Variants in HKDC1 observed in about 807,000 individuals in gnomAD.
HKDC1 encodes the protein hexokinase domain containing 1.
In HKDC1, 66 loss-of-function variants were observed where a neutral mutation model predicts 96.6. That is an observed-to-expected ratio of 0.68 (90% CI 0.56 to 0.84). The LOEUF (loss-of-function observed/expected upper bound fraction) is 0.84, where lower values mean the gene tolerates loss of function less well. Ranked by LOEUF, HKDC1 falls within the 40% of genes least tolerant of loss-of-function variation. The pLI, the probability that HKDC1 is intolerant of heterozygous loss-of-function variation, is 0.00. For missense variants in HKDC1, 1,211 were observed against 1,208.1 expected (o/e 1.00, Z -0.04); for synonymous variants, 466 against 473.1 (o/e 0.98, Z 0.20).
At chr10:69,228,758 C>T (rs12780191) in intron 2 of HKDC1, among the ~76,000 whole-genome samples, 33,234 of 151,862 alleles carry the variant, frequency 0.22, 4,398 homozygotes, top group Non-Finnish European at 0.29. Flanking sequence ...CCCAGCTACT[C>T]GGGAGGCTGA....
intron 8 of HKDC1, 51 bp downstream of exon 8, chr10:69,246,285 C>T: frequency 6.3e-7 from 1 of 1,599,238 alleles, no homozygotes; most frequent in Admixed American, 1.7e-5. Context: ...ATGGGAGGCC[C>T]AGGTGTGGGG....
At chr10:69,242,438 A>AAAC (rs1554867742) in intron 6 of HKDC1, among the ~76,000 whole-genome samples, 1 of 151,196 alleles carries the variant, frequency 6.6e-6, no homozygotes, top group African/African-American at 2.4e-5. Flanking sequence ...AGAAAAAAAA[A>AAAC]AAAAAAAAAA....
At chr10:69,262,026 T>C in intron 16 of HKDC1, 1 of 405,660 alleles carries the variant, frequency 2.5e-6, no homozygotes, top group Non-Finnish European at 4.9e-6. Context: ...CTAGGTGGCA[T>C]TGAGTTGTCT....
intron 4 of HKDC1, among the ~76,000 whole-genome samples, 178 bp from the exon 5 acceptor site, chr10:69,238,864 G>T (rs1035398912): frequency 3.3e-5 from 5 of 152,202 alleles, no homozygotes; most frequent in Non-Finnish European, 5.9e-5. Context: ...TCAGATGAGA[G>T]TAATAGTCCT....
At position 69,232,697 on chromosome 10, in the gene HKDC1, T is replaced by G. The variant is rs1843285875; in HGVS notation, c.227-67T>G. 4.9e-6 allele frequency: 7 copies of G among 1,433,554 alleles called. No homozygotes were observed. In the South Asian group the frequency reaches 8.4e-5, roughly 17 times the overall value. 88.8% of individuals were successfully genotyped at this position (1,433,554 alleles called of 1,614,324 possible). On this transcript the variant is annotated intron_variant, in intron 2 of 17. Transcript: ENST00000354624. ...AGACGTTGATTATATGTCCAACCTCTAATGCAGAGCTTGCCATATCTGTAG... is the reference window on the plus strand; with the variant it reads ...AGACGTTGATTATATGTCCAACCTCGAATGCAGAGCTTGCCATATCTGTAG...
rs537197738 is a variant in HKDC1 at position 69,235,553 on chromosome 10, G to A, written c.495+2420G>A. On this transcript the variant is annotated intron_variant, in intron 4 of 17. Coordinates refer to ENST00000354624, the MANE Select transcript of HKDC1 (RefSeq NM_025130.4). ...GTCCTAGGAGTGAGTAGATGTGTAT[G>A]TCAGGGGGTTGGGAATCAGGGCCCT... 3.2e-4 allele frequency among the ~76,000 whole-genome samples: 48 copies of A among 152,348 alleles called. No homozygotes were observed. The South Asian group carries it at 7.0e-3, about 22-fold the overall frequency.
rs111494392 is a variant in HKDC1 at position 69,240,817 on chromosome 10, C to T, written c.691+66C>T. The stretch of plus-strand genomic sequence containing the variant: ...GGACTGTTTGGGAGTTTCATTTCAG[C>T]GAGCTCTGAGTGAATTCGGCGGGAA... On this transcript the variant is annotated intron_variant, in intron 6 of 17. Transcript: ENST00000354624. 87 of 1,247,750 alleles carry T rather than the reference C, an allele frequency of 7.0e-5. No homozygotes were observed. In the African/African-American group the frequency reaches 7.8e-4, roughly 11 times the overall value. The allele number at this position is 1,247,750 out of a possible 1,614,324, so 77.3% of individuals were successfully genotyped here. A position where few individuals can be genotyped will look rare whatever the true frequency, so the allele number is the denominator to read the frequency against.
intron 7 of HKDC1, 104 bp downstream of exon 7, chr10:69,243,469 A>G: frequency 2.2e-6 from 2 of 920,992 alleles, no homozygotes; most frequent in Middle Eastern, 6.5e-4. Context: ...CTAGCTATCC[A>G]TCACAACTTT....
In HKDC1 at chr10:69,226,890, G is replaced by A. The variant is rs1306172071; in HGVS notation, c.64-317G>A. ...TGGTGAGGGCCCTGAACTGGGAATC[G>A]GAAACCCTGAATCCTTCTTAGTTTC... On this transcript the variant is annotated intron_variant, in intron 1 of 17. Transcript: ENST00000354624. Among the ~76,000 whole-genome samples the A allele has an allele frequency of 6.6e-5, 10 of 152,086 alleles. No homozygotes were observed. The South Asian group carries it at 1.2e-3, about 19-fold the overall frequency.
chr10:69,259,478 G>A (rs1188051434), intron 15 of HKDC1, among the ~76,000 whole-genome samples: 2 of 152,056 alleles, frequency 1.3e-5, no homozygotes, highest in African/African-American at 4.8e-5. Flanking sequence ...AATAATGAAT[G>A]GCCTAAAAAA....
In HKDC1 at chr10:69,257,386, T is replaced by C; in HGVS notation, c.1992T>C (p.Cys664=). The change falls in exon 14 of 18, where the codon TGT becomes TGC. Residue 664 remains cysteine, a synonymous_variant. Transcript: ENST00000354624. ...ATACAGTGGGGACCATGATGACCTG[T>C]GGCTATGAAGATCCTAATTGTGAGA... ...VNDTVGTMMT[C]GYEDPNCEIG... 6.2e-7 allele frequency: 1 copy of C among 1,614,108 alleles called. No homozygotes were observed. Among genetic ancestry groups the C allele is most frequent in the Non-Finnish European group, 8.5e-7 (1 of 1,179,908 alleles).
At chr10:69,244,502 A>G (rs1843507616) in intron 7 of HKDC1, among the ~76,000 whole-genome samples, 1 of 152,058 alleles carries the variant, frequency 6.6e-6, no homozygotes, top group African/African-American at 2.4e-5. Context: ...ATCTTCACCC[A>G]TTTCCATTTT....
intron 14 of HKDC1, among the ~76,000 whole-genome samples, chr10:69,257,690 G>C (rs113388351): frequency 9.0e-4 from 137 of 152,166 alleles, no homozygotes; most frequent in Admixed American, 2.0e-3. Flanking sequence ...TGTCATGGGG[G>C]GGGGAAGGAG....
chr10:69,231,613 T>G (rs1843262727), intron 2 of HKDC1, among the ~76,000 whole-genome samples: 2 of 152,160 alleles, frequency 1.3e-5, no homozygotes, highest in Non-Finnish European at 1.5e-5. Context: ...CCTGTGCCTC[T>G]CACAATCTGA....
At chr10:69,260,586 T>G (rs1006364286) in intron 15 of HKDC1, among the ~76,000 whole-genome samples, 2 of 152,198 alleles carry the variant, frequency 1.3e-5, no homozygotes, top group Non-Finnish European at 2.9e-5. Flanking sequence ...AGCACATAAA[T>G]GCTTCCCATT....
intron 4 of HKDC1, among the ~76,000 whole-genome samples, chr10:69,236,611 T>A (rs1589406724): frequency 6.6e-6 from 1 of 151,672 alleles, no homozygotes; most frequent in South Asian, 2.1e-4. Context: ...AGAAACCCCG[T>A]CTCTACTAAA....
chr10:69,256,987 T>A, intron 12 of HKDC1, 49 bp from the exon 13 acceptor site: 1 of 1,384,516 alleles, frequency 7.2e-7, no homozygotes, highest in Admixed American at 1.7e-5. Flanking sequence ...GGTTGTGCAG[T>A]GGCCCTAGCA....
chr10:69,252,968 C>G (rs1313069713), intron 12 of HKDC1, among the ~76,000 whole-genome samples: 1 of 141,806 alleles, frequency 7.1e-6, no homozygotes, highest in African/African-American at 2.9e-5. Flanking sequence ...GACCCCATCT[C>G]TAAACGTGTG....
intron 16 of HKDC1, chr10:69,265,275 C>T (rs1843877239): frequency 3.0e-6 from 1 of 334,536 alleles, no homozygotes; most frequent in South Asian, 3.3e-5. Context: ...ACAGCCTCCT[C>T]TTCTGAAAAA....
Sources: allele counts gnomAD v4.1 joint callset (sites outside exome capture counted in the v4.1 genomes callset), GRCh38; gene constraint gnomAD v4.1.1; transcripts MANE v1.5; gene names NCBI Gene and HGNC (gene_info 2026-07-23, HGNC 2026-07-21).